Variants in SESTD1 observed in about 807,000 individuals in gnomAD.
SESTD1 encodes SEC14 and spectrin domain containing 1, also known as SEC14 domain and spectrin repeat-containing protein 1.
SESTD1 carries 43 observed loss-of-function variants against 101.7 expected under a neutral mutation model. The observed-to-expected ratio is 0.42, with a 90% confidence interval of 0.33 to 0.55. SESTD1 has a LOEUF of 0.55. Among genes scored for constraint, SESTD1 ranks in the 20% least tolerant of loss-of-function variants. The probability of loss-of-function intolerance (pLI) is 0.07; values close to 1 mark genes in which losing one functional copy is unlikely to be tolerated. For synonymous variants in SESTD1, 283 were observed against 286.8 expected (o/e 0.99, Z 0.13); for missense variants, 647 against 815.1 (o/e 0.79, Z 2.51).
rs146070331 is a variant in SESTD1, at chr2:179,260,968, T to A, written c.-26+3531A>T. On this transcript the variant is annotated intron_variant, in intron 1 of 17. Transcript: ENST00000428443. ...AGCAGTTTCTCCAAGATGGAAGTGG[T>A]CTTAGGAGTGAAGAAGGGGAAAAAG... Among the ~76,000 whole-genome samples the A allele has an allele frequency of 2.0e-3, 309 of 152,234 alleles. 1 individual carries two copies. The highest frequency in any genetic ancestry group is 6.9e-3 in the African/African-American group (287 of 41,550).
intron 1 of SESTD1, among the ~76,000 whole-genome samples, chr2:179,197,307 C>T (rs13421666): frequency 0.39 from 58,479 of 151,786 alleles, 14,554 homozygotes; most frequent in African/African-American, 0.71. Flanking sequence ...TATGGGACTA[C>T]GTGAAAAGAC....
At chr2:179,193,382 C>T (rs2046346311) in intron 1 of SESTD1, among the ~76,000 whole-genome samples, 1 of 152,078 alleles carries the variant, frequency 6.6e-6, no homozygotes, top group South Asian at 2.1e-4. Context: ...GGCAAACAGA[C>T]TAGTAGGAAG....
chr2:179,242,944 G>C (rs1264070339), intron 1 of SESTD1, among the ~76,000 whole-genome samples: 1 of 152,098 alleles, frequency 6.6e-6, no homozygotes, highest in African/African-American at 2.4e-5. Flanking sequence ...AACAAAAATT[G>C]ACAAGTGGTA....
intron 5 of SESTD1, among the ~76,000 whole-genome samples, chr2:179,160,465 T>C (rs1471828564): frequency 6.6e-6 from 1 of 151,598 alleles, no homozygotes; most frequent in Non-Finnish European, 1.5e-5. Context: ...CAAATATATA[T>C]AATTATATTA....
chr2:179,184,857 T>TA (rs143602763), intron 2 of SESTD1, among the ~76,000 whole-genome samples: 61,014 of 151,738 alleles, frequency 0.4, 14,311 homozygotes, highest in East Asian at 0.73. Flanking sequence ...TTCAGGGCTA[T>TA]ATTTAAATCC....
intron 1 of SESTD1, among the ~76,000 whole-genome samples, chr2:179,224,042 T>C (rs1039068376): frequency 2.0e-5 from 3 of 152,172 alleles, no homozygotes; most frequent in Admixed American, 1.3e-4. Flanking sequence ...AATGTGCCTA[T>C]GGATTAAAAT....
intron 1 of SESTD1, among the ~76,000 whole-genome samples, chr2:179,225,977 C>T (rs62177326): frequency 0.055 from 8,425 of 152,170 alleles, 318 homozygotes; most frequent in South Asian, 0.14. Context: ...ACAGGATTGG[C>T]CACTTATTGA....
At chr2:179,263,182 G>T (rs1559168001) in intron 1 of SESTD1, among the ~76,000 whole-genome samples, 1 of 152,088 alleles carries the variant, frequency 6.6e-6, no homozygotes, top group Non-Finnish European at 1.5e-5. Flanking sequence ...ATTTTTTCAC[G>T]TATTTAGTCA....
intron 8 of SESTD1, among the ~76,000 whole-genome samples, chr2:179,144,971 T>C (rs2045362847): frequency 6.6e-6 from 1 of 152,104 alleles, no homozygotes; most frequent in African/African-American, 2.4e-5. Flanking sequence ...CTGCTAAATA[T>C]ATAATAATTC....
intron 7 of SESTD1, among the ~76,000 whole-genome samples, chr2:179,147,965 T>C (rs1200222831): frequency 6.6e-6 from 1 of 152,234 alleles, no homozygotes; most frequent in Non-Finnish European, 1.5e-5. Context: ...GTGTGATATC[T>C]ACAGACACAC....
chr2:179,133,489 A>G (rs981076784), intron 9 of SESTD1, among the ~76,000 whole-genome samples: 1 of 152,200 alleles, frequency 6.6e-6, no homozygotes, highest in Non-Finnish European at 1.5e-5. Context: ...TCTACCCACA[A>G]TCATATACAC....
intron 3 of SESTD1, among the ~76,000 whole-genome samples, chr2:179,181,689 C>T (rs954508440): frequency 6.6e-6 from 1 of 152,100 alleles, no homozygotes; most frequent in African/African-American, 2.4e-5. Context: ...TCCTCAACTA[C>T]AAAATAAGGC....
intron 5 of SESTD1, among the ~76,000 whole-genome samples, chr2:179,159,532 A>ATTTCTAGATGTT (rs1403772254): frequency 3.9e-5 from 6 of 152,192 alleles, no homozygotes; most frequent in Non-Finnish European, 8.8e-5. Context: ...CTGTGTAGAG[A>ATTTCTAGATGTT]TTTCTAGATG....
At chr2:179,171,606 T>G (rs944430659) in intron 5 of SESTD1, among the ~76,000 whole-genome samples, 1 of 152,198 alleles carries the variant, frequency 6.6e-6, no homozygotes, top group South Asian at 2.1e-4. Context: ...TGCTTAGATT[T>G]ACATTCCATC....
chr2:179,153,113 G>A (rs2045561182), intron 5 of SESTD1, among the ~76,000 whole-genome samples: 1 of 152,112 alleles, frequency 6.6e-6, no homozygotes, highest in South Asian at 2.1e-4. Flanking sequence ...AAGGACACAA[G>A]ACAATTTTGT....
chr2:179,161,354 T>C (rs1575452449), intron 5 of SESTD1, among the ~76,000 whole-genome samples: 1 of 152,328 alleles, frequency 6.6e-6, no homozygotes, highest in East Asian at 1.9e-4. Context: ...ACAAATCATT[T>C]ATAAAGTTAC....
intron 7 of SESTD1, among the ~76,000 whole-genome samples, chr2:179,147,020 A>G (rs1343790610): frequency 6.6e-6 from 1 of 152,088 alleles, no homozygotes; most frequent in Admixed American, 6.5e-5. Context: ...AAACACATAC[A>G]GGAAAGAAAA....
Position 179,112,857 on chromosome 2 carries a change from A to C in SESTD1, c.1840-12T>G, listed in dbSNP as rs768951925. 1.2e-6 allele frequency: 2 copies of C among 1,604,714 alleles called. No individual in the cohort carries two copies. The highest frequency in any genetic ancestry group is 4.5e-5 in the East Asian group (2 of 44,774). ...CAGTCCTGCAAAATCTGCAACAAAT[A>C]AAAGAGCAACATCAATCAAGAGACA... is the stretch of plus-strand genomic sequence containing the variant. On this transcript the variant is annotated splice_polypyrimidine_tract_variant and intron_variant, in intron 16 of 17. Coordinates refer to ENST00000428443, the MANE Select transcript of SESTD1 (RefSeq NM_178123.5).
At chr2:179,249,094 G>GA (rs1198155036) in intron 1 of SESTD1, among the ~76,000 whole-genome samples, 3,859 of 58,688 alleles carry the variant, frequency 0.066, 168 homozygotes, top group African/African-American at 0.13. Context: ...CCGTCTTTAA[G>GA]AAAAAAAAAA....
Sources: gnomAD v4.1 joint callset for allele counts (sites outside exome capture counted in the v4.1 genomes callset) on GRCh38, gnomAD v4.1.1 for gene constraint, MANE v1.5 for transcripts, NCBI Gene and HGNC (gene_info 2026-07-23, HGNC 2026-07-21) for gene names.